The following JARID2 variants were observed in gnomAD, a reference collection of about 807,000 sequenced individuals.
The protein encoded by JARID2 is jumonji and AT-rich interaction domain containing 2.
JARID2 carries 21 observed loss-of-function variants against 125.6 expected under a neutral mutation model. The ratio of observed to expected loss-of-function variants is 0.17; its 90% CI spans 0.12 to 0.24. The LOEUF (loss-of-function observed/expected upper bound fraction) is 0.24, where lower values mean the gene tolerates loss of function less well. Ranked by LOEUF, JARID2 falls within the 10% of genes least tolerant of loss-of-function variation. The probability of loss-of-function intolerance (pLI) is 1.00; values close to 1 mark genes in which losing one functional copy is unlikely to be tolerated. For missense variants in JARID2, 1,303 were observed against 1,639.6 expected, an observed-to-expected ratio of 0.79 and a Z score of 3.55; for synonymous variants, 736 against 661.6, an observed-to-expected ratio of 1.11 and a Z score of -1.73.
At position 15,520,519 on chromosome 6, in the gene JARID2, C is replaced by T. The variant is rs114676237; in HGVS notation, c.*268C>T. 2.1e-3 allele frequency: 872 copies of T among 406,378 alleles called. 7 individuals carry two copies. The highest frequency in any genetic ancestry group is 0.016 in the African/African-American group (793 of 48,760). 25.2% of individuals were successfully genotyped at this position (406,378 alleles called of 1,614,324 possible). A position where few individuals can be genotyped will look rare whatever the true frequency, so the allele number is the denominator to read the frequency against. ...GAGGGGCTGTATTAATTTGTATTGC[C>T]CCATGGCTGACAAAAGCCTTTTTTT... On this transcript the variant is annotated 3_prime_UTR_variant, in exon 18 of 18. Coordinates refer to ENST00000341776, the MANE Select transcript of JARID2 (RefSeq NM_004973.4).
chr6:15,373,993 T>G, intron 1 of JARID2, 124 bp from the exon 2 acceptor site: 2 of 1,079,702 alleles, frequency 1.9e-6, no homozygotes, highest in Non-Finnish European at 2.7e-6. Flanking sequence ...ATTCTGACAT[T>G]GAGAACTGGG....
intron 5 of JARID2, among the ~76,000 whole-genome samples, chr6:15,478,818 C>T (rs1383737810): frequency 3.3e-5 from 5 of 151,806 alleles, no homozygotes; most frequent in Admixed American, 6.6e-5. Context: ...TACAGGTGCC[C>T]GCCACCATGC....
intron 2 of JARID2, among the ~76,000 whole-genome samples, chr6:15,409,306 A>G (rs1158126309): frequency 2.0e-5 from 3 of 152,224 alleles, no homozygotes; most frequent in Non-Finnish European, 4.4e-5. Context: ...AAGATCAAGC[A>G]CCGTAAAACT....
At chr6:15,308,664 T>C (rs953417537) in intron 1 of JARID2, among the ~76,000 whole-genome samples, 1 of 152,182 alleles carries the variant, frequency 6.6e-6, no homozygotes, top group Admixed American at 6.5e-5. Context: ...TATTATCTTA[T>C]TATGTATTTG....
intron 5 of JARID2, among the ~76,000 whole-genome samples, chr6:15,477,136 C>A (rs1167613052): frequency 6.6e-6 from 1 of 152,168 alleles, no homozygotes; most frequent in South Asian, 2.1e-4. Context: ...TGTCATTGGA[C>A]TCCCAGCTGG....
chr6:15,369,860 T>G (rs996884421), intron 1 of JARID2, among the ~76,000 whole-genome samples: 1 of 152,220 alleles, frequency 6.6e-6, no homozygotes, highest in Non-Finnish European at 1.5e-5. Flanking sequence ...GACTGGCACT[T>G]TTTCTTACAG....
intron 1 of JARID2, among the ~76,000 whole-genome samples, chr6:15,289,382 A>AT (rs1467617766): frequency 2.0e-5 from 3 of 152,156 alleles, no homozygotes; most frequent in Non-Finnish European, 4.4e-5. Flanking sequence ...CAATTCTTCT[A>AT]TTTTTTAAAT....
At position 15,246,456 on chromosome 6, in the gene JARID2, C is replaced by T; in HGVS notation, c.-84C>T. The T allele has an allele frequency of 1.8e-6, 2 of 1,142,170 alleles. No individual in the cohort carries two copies. Among genetic ancestry groups the T allele is most frequent in the South Asian group, 2.5e-5 (2 of 78,956 alleles). The allele number at this position is 1,142,170 out of a possible 1,614,324, so 70.8% of individuals were successfully genotyped here. ...CCACCACCAACAACAATAAAAACCACCAGGATATTTTTTTGCAAATTTCTG... is the reference window on the plus strand; with the variant it reads ...CCACCACCAACAACAATAAAAACCATCAGGATATTTTTTTGCAAATTTCTG... On this transcript the variant is annotated 5_prime_UTR_variant, in exon 1 of 18. Transcript: ENST00000341776.
chr6:15,415,523 C>T (rs1423203810), intron 3 of JARID2, among the ~76,000 whole-genome samples: 2 of 131,296 alleles, frequency 1.5e-5, no homozygotes, highest in Non-Finnish European at 3.2e-5. Context: ...GGCTGCCGGG[C>T]AGAGGCGCCC....
chr6:15,439,358 A>T (rs947193420), intron 3 of JARID2, among the ~76,000 whole-genome samples: 1 of 152,078 alleles, frequency 6.6e-6, no homozygotes, highest in African/African-American at 2.4e-5. Context: ...ATGTCGTGCA[A>T]TTTATTCTCC....
chr6:15,387,724 G>T (rs1298669487), intron 2 of JARID2, among the ~76,000 whole-genome samples: 1 of 152,036 alleles, frequency 6.6e-6, no homozygotes, highest in Non-Finnish European at 1.5e-5. Context: ...CATTTTCCTG[G>T]TAAGTCAGGA....
Position 15,496,164 on chromosome 6 carries a change from A to T in JARID2, c.939A>T (p.Ser313=), listed in dbSNP as rs1770409590. 1.9e-6 allele frequency: 3 copies of T among 1,613,424 alleles called. No homozygotes were observed. Among genetic ancestry groups the T allele is most frequent in the Non-Finnish European group, 2.5e-6 (3 of 1,179,664 alleles). ...VSKVNGVTRM[S]SLGAGVTSAK... ...AGGTAAACGGAGTCACTCGAATGTC[A>T]TCTCTGGGTGCAGGTGTAACCAGTG... The change falls in exon 7 of 18, where the codon TCA becomes TCT. Residue 313 remains serine (S), a synonymous_variant. Coordinates refer to ENST00000341776, the MANE Select transcript of JARID2 (RefSeq NM_004973.4).
chr6:15,513,716 C>CT (rs1771394754), intron 16 of JARID2, among the ~76,000 whole-genome samples: 1 of 152,254 alleles, frequency 6.6e-6, no homozygotes, highest in African/African-American at 2.4e-5. Context: ...CTCCGCCCTA[C>CT]TTTGTCACTC....
At chr6:15,347,805 C>T (rs116602134) in intron 1 of JARID2, among the ~76,000 whole-genome samples, 2,285 of 152,258 alleles carry the variant, frequency 0.015, 54 homozygotes, top group African/African-American at 0.051. Flanking sequence ...ATAGCCTCTT[C>T]CTCCAGGCCT....
chr6:15,303,867 C>T lies in JARID2; in HGVS notation c.45+57283C>T, dbSNP rs1761717620. Among the ~76,000 whole-genome samples the T allele has an allele frequency of 2.0e-5, 3 of 152,270 alleles. No homozygotes were observed. In the South Asian group the frequency reaches 6.2e-4, roughly 32 times the overall value. The stretch of plus-strand genomic sequence containing the variant: ...TTTAGTTCACCTGGGCGAATCCTGG[C>T]TGCAAGTTTAATAATCGGTAATCTT... On this transcript the variant is annotated intron_variant, in intron 1 of 17. Transcript: ENST00000341776.
intron 5 of JARID2, among the ~76,000 whole-genome samples, chr6:15,485,274 G>T (rs1300686009): frequency 6.6e-6 from 1 of 152,206 alleles, no homozygotes; most frequent in Non-Finnish European, 1.5e-5. Context: ...TCCAGATGGG[G>T]ATAATGGAGA....
intron 3 of JARID2, among the ~76,000 whole-genome samples, chr6:15,416,231 A>G (rs960771701): frequency 1.3e-5 from 2 of 148,326 alleles, no homozygotes; most frequent in Admixed American, 6.7e-5. Flanking sequence ...GGGGCTCCTC[A>G]TGTCCCAGAC....
At chr6:15,458,134 G>A (rs984902368) in intron 4 of JARID2, among the ~76,000 whole-genome samples, 2 of 152,166 alleles carry the variant, frequency 1.3e-5, no homozygotes, top group African/African-American at 4.8e-5. Context: ...TCGTACCATC[G>A]CCGTATTCCC....
At chr6:15,375,172 C>T (rs1199136499) in intron 2 of JARID2, among the ~76,000 whole-genome samples, 1 of 152,180 alleles carries the variant, frequency 6.6e-6, no homozygotes, top group Non-Finnish European at 1.5e-5. Context: ...GTCTGGCAGC[C>T]TCCTGTTGGA....
Sources: allele counts gnomAD v4.1 joint callset (sites outside exome capture counted in the v4.1 genomes callset), GRCh38; gene constraint gnomAD v4.1.1; transcripts MANE v1.5; gene names NCBI Gene and HGNC (gene_info 2026-07-23, HGNC 2026-07-21).